The following COL5A1 variants were observed in gnomAD, a reference collection of about 807,000 sequenced individuals.
COL5A1 encodes collagen alpha-1(V) chain.
COL5A1 carries 16 observed loss-of-function variants against 263.7 expected under a neutral mutation model. The ratio of observed to expected loss-of-function variants is 0.06; its 90% CI spans 0.04 to 0.09. The LOEUF (loss-of-function observed/expected upper bound fraction) is 0.09. Among genes scored for constraint, COL5A1 ranks in the 10% least tolerant of loss-of-function variants. The pLI, the probability that COL5A1 is intolerant of heterozygous loss-of-function variation, is 1.00. For missense variants in COL5A1, 2,036 were observed against 2,540.5 expected (o/e 0.80, Z 4.27); for synonymous variants, 1,012 against 1,004.5 (o/e 1.01, Z -0.14).
chr9:134,771,041 G>A (rs1379396349), intron 25 of COL5A1, among the ~76,000 whole-genome samples: 1 of 152,238 alleles, frequency 6.6e-6, no homozygotes, highest in Non-Finnish European at 1.5e-5. Context: ...CCCTGGGTGG[G>A]CGCAGTTCTG....
chr9:134,701,037 C>A, intron 3 of COL5A1, 134 bp from the exon 4 acceptor site: 2 of 869,768 alleles, frequency 2.3e-6, no homozygotes, highest in Non-Finnish European at 3.7e-6. Flanking sequence ...AGAGGCTGGG[C>A]CTTGATCTGC....
In COL5A1 at chr9:134,724,523, G is replaced by A. The variant is rs184770212; in HGVS notation, c.655-2743G>A. 1.5e-3 allele frequency among the ~76,000 whole-genome samples: 232 copies of A among 152,266 alleles called. 1 individual carries two copies. Among genetic ancestry groups the A allele is most frequent in the African/African-American group, 5.3e-3 (219 of 41,564 alleles). On this transcript the variant is annotated intron_variant, in intron 4 of 65. Coordinates refer to ENST00000371817, the MANE Select transcript of COL5A1 (RefSeq NM_000093.5). The stretch of plus-strand genomic sequence containing the variant: ...CGCAGTGGTTGTGATGCTCCCACCC[G>A]CTCCATCCAAGTCTCAGTGCCTGTC...
At position 134,812,826 on chromosome 9, in the gene COL5A1, G is replaced by T. The variant is rs969213694; in HGVS notation, c.3852+114G>T. The T allele has an allele frequency of 1.1e-5, 9 of 786,742 alleles. No individual in the cohort carries two copies. The Admixed American group carries it at 1.8e-4, about 16-fold the overall frequency. The allele number at this position is 786,742 out of a possible 1,614,324, so 48.7% of individuals were successfully genotyped here. ...TATGTGCGCATGCACACGCTTGTGG[G>T]GGTGCATACACGTGTGTGTACCTCT... On this transcript the variant is annotated intron_variant, in intron 48 of 65. Coordinates refer to ENST00000371817, the MANE Select transcript of COL5A1 (RefSeq NM_000093.5).
chr9:134,809,185 C>T lies in COL5A1; in HGVS notation c.3369C>T (p.Gly1123=), dbSNP rs546229885. Residue 1123 remains glycine (G), a splice_region_variant and synonymous_variant, in exon 43 of 66, where the codon GGC becomes GGT. Coordinates refer to ENST00000371817, the MANE Select transcript of COL5A1 (RefSeq NM_000093.5). ...CTGAGATCTTCTGTATTCTCTAGGG[C>T]GAGAAAGGCCCACAAGGCCCAGCTG... The part of the protein sequence containing the change: ...PGPAGEKGAP[G]EKGPQGPAGR... The T allele has an allele frequency of 2.2e-5, 35 of 1,576,934 alleles. No individual in the cohort carries two copies. In the African/African-American group the frequency reaches 2.4e-4, roughly 11 times the overall value.
At chr9:134,784,806 T>C (rs7865167) in intron 29 of COL5A1, among the ~76,000 whole-genome samples, 183 bp from the exon 30 acceptor site, 3 of 152,136 alleles carry the variant, frequency 2.0e-5, no homozygotes, top group African/African-American at 4.8e-5. Flanking sequence ...CGCGGTACAA[T>C]GCGCTCGCTT....
intron 4 of COL5A1, among the ~76,000 whole-genome samples, chr9:134,703,638 T>G (rs1833744570): frequency 7.5e-6 from 1 of 132,486 alleles, no homozygotes; most frequent in Non-Finnish European, 1.6e-5. Flanking sequence ...TTTTTTTTTT[T>G]TTTTTTTTTT....
Position 134,785,030 on chromosome 9 carries a change from T to C in COL5A1, c.2526T>C (p.Pro842=), listed in dbSNP as rs763634004. ...GPPGPRGEDG[P]EGPKGRGGPN... ...CCGGTCCCAGGGGAGAAGATGGCCC[T>C]GAAGGCCCAAAGGGTCGCGGAGGTC... The change falls in exon 30 of 66, where the codon CCT becomes CCC. Residue 842 remains proline (P), a synonymous_variant. Transcript: ENST00000371817. 5.6e-6 allele frequency: 9 copies of C among 1,613,450 alleles called. No homozygotes were observed. The highest frequency in any genetic ancestry group is 7.6e-6 in the Non-Finnish European group (9 of 1,180,010).
intron 36 of COL5A1, among the ~76,000 whole-genome samples, chr9:134,797,921 G>A (rs1397927252): frequency 2.6e-5 from 4 of 152,240 alleles, no homozygotes; most frequent in Non-Finnish European, 5.9e-5. Flanking sequence ...GGTTCTGGGG[G>A]TCAGAGCTTC....
At chr9:134,823,054 C>A in intron 60 of COL5A1, 21 bp downstream of exon 60, 1 of 1,613,950 alleles carries the variant, frequency 6.2e-7, no homozygotes, top group Non-Finnish European at 8.5e-7. Flanking sequence ...TGCTGCCCAG[C>A]CAGGCCAATG....
At chr9:134,778,093 C>T (rs1588537653) in intron 27 of COL5A1, among the ~76,000 whole-genome samples, 1 of 152,194 alleles carries the variant, frequency 6.6e-6, no homozygotes, top group African/African-American at 2.4e-5. Context: ...GTCTCTGAGG[C>T]GATGCCACGC....
rs1160501181 is a variant in COL5A1 at position 134,759,856 on chromosome 9, CCCCACACT to C, written c.1935+1562_1935+1569del. On this transcript the variant is annotated intron_variant, in intron 18 of 65. Coordinates refer to ENST00000371817, the MANE Select transcript of COL5A1 (RefSeq NM_000093.5). ...CCCCCACTCACGCACACCCCCACAC[CCCCACACT>C]CACACATGCACACACACCACACAGG... Among the ~76,000 whole-genome samples the C allele has an allele frequency of 1.0e-3, 76 of 76,142 alleles. 3 individuals carry two copies. Among genetic ancestry groups the C allele is most frequent in the African/African-American group, 5.9e-3 (69 of 11,678 alleles). The allele number at this position is 76,142 out of a possible 152,430, so 50.0% of individuals were successfully genotyped here. A position where few individuals can be genotyped will look rare whatever the true frequency, so the allele number is the denominator to read the frequency against.
At position 134,839,079 on chromosome 9, in the gene COL5A1, C is replaced by T. The variant is rs535089705; in HGVS notation, c.5371-3078C>T. Among the ~76,000 whole-genome samples the T allele has an allele frequency of 2.7e-4, 41 of 152,370 alleles. No homozygotes were observed. In the East Asian group the frequency reaches 6.6e-3, roughly 24 times the overall value. ...GCGGCAAAAGCCCTGCCTCAGCCCC[C>T]GGAGGTCTGCATGATTCATATTGTA... is the stretch of plus-strand genomic sequence containing the variant. On this transcript the variant is annotated intron_variant, in intron 65 of 65. Transcript: ENST00000371817.
At chr9:134,801,471 G>A (rs570628481) in intron 37 of COL5A1, among the ~76,000 whole-genome samples, 2 of 152,388 alleles carry the variant, frequency 1.3e-5, no homozygotes, top group South Asian at 4.1e-4. Context: ...CCAGTGAGAT[G>A]AGCTTGTGTG....
At chr9:134,786,139 C>A (rs62571364) in intron 31 of COL5A1, 91 bp downstream of exon 31, 1 of 1,199,372 alleles carries the variant, frequency 8.3e-7, no homozygotes, top group South Asian at 1.3e-5. Flanking sequence ...TTAGGTGTCC[C>A]GGCACAGGTG....
Position 134,834,989 on chromosome 9 carries a change from G to A in COL5A1, c.5155G>A (p.Glu1719Lys), listed in dbSNP as rs776640704. The A allele has an allele frequency of 1.4e-5, 23 of 1,613,532 alleles. No individual in the cohort carries two copies. Among genetic ancestry groups the A allele is most frequent in the Non-Finnish European group, 1.9e-5 (22 of 1,179,972 alleles). The change falls in exon 65 of 66, where the codon GAG (glutamate) becomes AAG (lysine). Residue 1719 changes from glutamate to lysine, a missense_variant. Around this residue, in one of 3 missense-constraint regions of COL5A1, gnomAD observed 358 missense variants for 384.6 expected, o/e 0.93. Transcript: ENST00000371817. Reference sequence around the variant, plus strand: ...CCCCCAGCTCTCCTATGTGGACGCCGAGGGCAACCCTGTGGGTGTGGTACA... The same window carrying A: ...CCCCCAGCTCTCCTATGTGGACGCCAAGGGCAACCCTGTGGGTGTGGTACA... ...RGKLLSYVDA[E>K]GNPVGVVQMT...
At chr9:134,759,392 T>A (rs868844509) in intron 18 of COL5A1, among the ~76,000 whole-genome samples, 1 of 98,134 alleles carries the variant, frequency 1.0e-5, no homozygotes, top group Admixed American at 1.2e-4. Context: ...CATGCACACA[T>A]ACGCATACAC....
intron 1 of COL5A1, among the ~76,000 whole-genome samples, chr9:134,683,998 G>A (rs892511191): frequency 6.6e-6 from 1 of 152,210 alleles, no homozygotes; most frequent in African/African-American, 2.4e-5. Flanking sequence ...GGACACATCT[G>A]CGTCACTCAA....
At chr9:134,768,489 C>G (rs375543449) in intron 25 of COL5A1, 26 bp downstream of exon 25, 12 of 1,609,986 alleles carry the variant, frequency 7.5e-6, no homozygotes, top group Middle Eastern at 1.6e-4. Context: ...CACCTCATCC[C>G]TCCATACTCT....
At chr9:134,726,887 A>G (rs1554787413) in intron 4 of COL5A1, among the ~76,000 whole-genome samples, 1 of 145,026 alleles carries the variant, frequency 6.9e-6, no homozygotes. Flanking sequence ...GAATGGGTGA[A>G]TGGATGGATA....
Sources: allele counts gnomAD v4.1 joint callset (sites outside exome capture counted in the v4.1 genomes callset), GRCh38; gene constraint gnomAD v4.1.1; regional missense constraint gnomAD v4.1.1; transcripts MANE v1.5; gene names NCBI Gene and HGNC (gene_info 2026-07-23, HGNC 2026-07-21).